The following DSCAML1 variants were observed in gnomAD, a reference collection of about 807,000 sequenced individuals.
DSCAML1 encodes the protein DS cell adhesion molecule like 1.
A neutral mutation model predicts 200.5 loss-of-function variants in DSCAML1; 38 were observed. The ratio of observed to expected loss-of-function variants is 0.19; its 90% CI spans 0.15 to 0.25. The LOEUF (loss-of-function observed/expected upper bound fraction) is 0.25, where lower values mean the gene tolerates loss of function less well. Among genes scored for constraint, DSCAML1 ranks in the 10% least tolerant of loss-of-function variants. The pLI is 1.00. For missense variants in DSCAML1, 2,223 were observed against 2,858.8 expected (o/e 0.78, Z 5.07); for synonymous variants, 1,215 against 1,165.0 (o/e 1.04, Z -0.87).
chr11:117,708,032 G>GCAACTAGCTT (rs1325834877), intron 3 of DSCAML1, among the ~76,000 whole-genome samples: 1 of 152,158 alleles, frequency 6.6e-6, no homozygotes, highest in Non-Finnish European at 1.5e-5. Context: ...GAAGCTAGCT[G>GCAACTAGCTT]CAACTAGCTT....
intron 31 of DSCAML1, among the ~76,000 whole-genome samples, 174 bp from the exon 32 acceptor site, chr11:117,431,207 T>C (rs2047784737): frequency 6.6e-6 from 1 of 152,202 alleles, no homozygotes; most frequent in African/African-American, 2.4e-5. Flanking sequence ...GATCTTTGGC[T>C]CATGAAGGGC....
In DSCAML1 at chr11:117,656,544, T is replaced by TATCC. The variant is rs57037138; in HGVS notation, c.511+120243_511+120246dup. ...CTATCTATCTATCTATCTATCTATC[T>TATCC]ATCCATCCATCCACCCATCCAAATT... On this transcript the variant is annotated intron_variant, in intron 3 of 32. Transcript: ENST00000651296. 6.4e-3 allele frequency among the ~76,000 whole-genome samples: 899 copies of TATCC among 141,388 alleles called. 15 individuals are homozygous for TATCC. Among genetic ancestry groups the TATCC allele is most frequent in the African/African-American group, 0.021 (822 of 38,702 alleles). 92.8% of individuals were successfully genotyped at this position (141,388 alleles called of 152,430 possible). A position where few individuals can be genotyped will look rare whatever the true frequency, so the allele number is the denominator to read the frequency against.
intron 3 of DSCAML1, among the ~76,000 whole-genome samples, chr11:117,766,652 G>T (rs536046596): frequency 2.8e-4 from 43 of 152,334 alleles, no homozygotes; most frequent in African/African-American, 9.9e-4. Context: ...TGATCCCGGG[G>T]CAGAGCGTTT....
chr11:117,624,799 G>A (rs999250865), intron 3 of DSCAML1, among the ~76,000 whole-genome samples: 3 of 152,124 alleles, frequency 2.0e-5, no homozygotes, highest in African/African-American at 7.2e-5. Context: ...CAGCCCATTG[G>A]GAAGAGAAGA....
rs2253440 is a variant in DSCAML1 at position 117,438,079 on chromosome 11, G to A, written c.4248C>T (p.Phe1416=). 0.22 allele frequency: 357,579 copies of A among 1,608,470 alleles called. 40,980 individuals are homozygous for A. Among genetic ancestry groups the A allele is most frequent in the South Asian group, 0.24 (21,870 of 90,610 alleles). Reference sequence around the variant, plus strand: ...TGTTGTCCACCGAGTACTGTAGCACGAAGCCTGCGGAGGGTAGGCCTGATT... The same window carrying A: ...TGTTGTCCACCGAGTACTGTAGCACAAAGCCTGCGGAGGGTAGGCCTGATT... The part of the protein sequence containing the change: ...GDNGGSSIRG[F]VLQYSVDNSE... Residue 1416 remains phenylalanine, a synonymous_variant, in exon 25 of 33, where the codon TTC becomes TTT. Coordinates refer to ENST00000651296, the MANE Select transcript of DSCAML1 (RefSeq NM_020693.4).
rs529317503 is a variant in DSCAML1 at position 117,458,949 on chromosome 11, G to A, written c.3413-40C>T. 33 of 1,599,012 alleles carry A rather than the reference G, an allele frequency of 2.1e-5. No homozygotes were observed. In the East Asian group the frequency reaches 3.6e-4, roughly 17 times the overall value. On this transcript the variant is annotated intron_variant, in intron 18 of 32. Transcript: ENST00000651296. ...CAAACTCTGAGGACCCAGCTCCATC[G>A]GGCTGTGGCCCCTGCTGCTACCCCT... is the stretch of plus-strand genomic sequence containing the variant.
intron 3 of DSCAML1, among the ~76,000 whole-genome samples, chr11:117,546,078 G>T (rs1732385980): frequency 6.6e-6 from 1 of 152,242 alleles, no homozygotes; most frequent in South Asian, 2.1e-4. Context: ...CTGAAGTGGT[G>T]TCACCACCCC....
intron 3 of DSCAML1, among the ~76,000 whole-genome samples, chr11:117,563,772 G>A (rs17509913): frequency 0.088 from 13,349 of 152,228 alleles, 651 homozygotes; most frequent in Middle Eastern, 0.14. Flanking sequence ...GGGACGAGCC[G>A]TGTGACAGCG....
chr11:117,437,416 G>T lies in DSCAML1; in HGVS notation c.4433-7C>A, dbSNP rs373525927. On this transcript the variant is annotated splice_polypyrimidine_tract_variant and splice_region_variant and intron_variant, in intron 25 of 32. Transcript: ENST00000651296. The surrounding 1 kb of genome is among the most constrained non-coding windows in gnomAD (Gnocchi z 5.3). Reference sequence around the variant, plus strand: ...TCTTTGCTGAAGGAGGGCTCTGGCAGGCCGGAGGGAGAGAGAGAGGTTAGA... The same window carrying T: ...TCTTTGCTGAAGGAGGGCTCTGGCATGCCGGAGGGAGAGAGAGAGGTTAGA... 3 of 1,609,646 alleles carry T rather than the reference G, an allele frequency of 1.9e-6. No homozygotes were observed. The African/African-American group carries it at 4.0e-5, about 21-fold the overall frequency.
At chr11:117,577,630 A>C (rs548193999) in intron 3 of DSCAML1, among the ~76,000 whole-genome samples, 32 of 147,050 alleles carry the variant, frequency 2.2e-4, no homozygotes, top group Admixed American at 1.9e-3. Flanking sequence ...GCAGTGGTGC[A>C]ATCTCGTTTC....
chr11:117,521,199 CG>C lies in DSCAML1; in HGVS notation c.1143del (p.Ala383ProfsTer45). On this transcript the variant is annotated frameshift_variant, in exon 6 of 33. Coordinates refer to ENST00000651296, the MANE Select transcript of DSCAML1 (RefSeq NM_020693.4). LOFTEE classifies it high-confidence loss of function. ...CGGGTAGCGAAGCACTGGTAGGCCC[CG>C]GAATGGCTCTTCTGGGCCGAGGTGA... ...LLITSAQKSH[S>X]GAYQCFATRK... 6.2e-7 allele frequency: 1 copy of C among 1,614,134 alleles called. No homozygotes were observed.
intron 3 of DSCAML1, among the ~76,000 whole-genome samples, chr11:117,603,663 T>A (rs751458004): frequency 2.0e-5 from 3 of 152,158 alleles, no homozygotes; most frequent in African/African-American, 4.8e-5. Context: ...AAGGAAGATG[T>A]TTAAATTCAA....
intron 3 of DSCAML1, among the ~76,000 whole-genome samples, chr11:117,594,048 G>A (rs959174205): frequency 1.3e-5 from 2 of 152,134 alleles, no homozygotes; most frequent in African/African-American, 4.8e-5. Context: ...CTTCTAAAAG[G>A]GAGTGGGGTC....
intron 21 of DSCAML1, among the ~76,000 whole-genome samples, chr11:117,441,585 G>A (rs11821451): frequency 0.21 from 32,186 of 151,920 alleles, 4,803 homozygotes; most frequent in East Asian, 0.58. Flanking sequence ...CTGGGAGATC[G>A]CCAGGCCCAG....
At chr11:117,445,051 C>T (rs1196016819) in intron 20 of DSCAML1, among the ~76,000 whole-genome samples, 2 of 152,034 alleles carry the variant, frequency 1.3e-5, no homozygotes, top group Admixed American at 6.5e-5. Context: ...GGATCTTGCA[C>T]ACACACGCTC....
rs147009154 is a variant in DSCAML1, at chr11:117,732,566, C to T, written c.511+44225G>A. On this transcript the variant is annotated intron_variant, in intron 3 of 32. Transcript: ENST00000651296. Reference sequence around the variant, plus strand: ...GGAATTGTAGACATGGTGAGAGGTCCGACCGGGGAACCTCTTAGGACTTAG... The same window carrying T: ...GGAATTGTAGACATGGTGAGAGGTCTGACCGGGGAACCTCTTAGGACTTAG... Among the ~76,000 whole-genome samples, 689 of 152,264 alleles carry T rather than the reference C, an allele frequency of 4.5e-3. 20 individuals are homozygous for T. The highest frequency in any genetic ancestry group is 0.037 in the Admixed American group (570 of 15,294).
At chr11:117,778,373 G>A (rs1163157195) in intron 2 of DSCAML1, among the ~76,000 whole-genome samples, 2 of 152,192 alleles carry the variant, frequency 1.3e-5, no homozygotes, top group Non-Finnish European at 2.9e-5. Flanking sequence ...GGGCTGGGGT[G>A]CACGCCACCT....
chr11:117,663,374 A>AGGACTCT (rs1344091090), intron 3 of DSCAML1, among the ~76,000 whole-genome samples: 1 of 152,030 alleles, frequency 6.6e-6, no homozygotes. Flanking sequence ...CCTGGCGCCC[A>AGGACTCT]GGACTCTGAG....
intron 3 of DSCAML1, among the ~76,000 whole-genome samples, chr11:117,578,480 C>T (rs1208872408): frequency 1.3e-5 from 2 of 151,838 alleles, no homozygotes; most frequent in South Asian, 2.1e-4. Context: ...AGACCAGTCT[C>T]GCCAACAGAG....
Sources: gnomAD v4.1 joint callset for allele counts (sites outside exome capture counted in the v4.1 genomes callset) on GRCh38, gnomAD v4.1.1 for gene constraint, Gnocchi (gnomAD v3.1) non-coding constraint, MANE v1.5 for transcripts, NCBI Gene and HGNC (gene_info 2026-07-23, HGNC 2026-07-21) for gene names.